ZCCHC17: variants seen among roughly 807,000 people sequenced by gnomAD.
The protein encoded by ZCCHC17 is zinc finger CCHC domain-containing protein 17.
Under a neutral mutation model 30.6 loss-of-function variants are expected in ZCCHC17, and 18 were observed. The observed-to-expected ratio is 0.59, with a 90% CI of 0.41 to 0.87. ZCCHC17 has a LOEUF of 0.87. Ranked by LOEUF, ZCCHC17 falls within the 40% of genes least tolerant of loss-of-function variation. The pLI is 0.00. For synonymous variants in ZCCHC17, 88 were observed against 92.4 expected (o/e 0.95, Z 0.27); for missense variants, 263 against 284.2 (o/e 0.93, Z 0.54).
intron 3 of ZCCHC17, among the ~76,000 whole-genome samples, chr1:31,326,492 A>G (rs1638350546): frequency 6.6e-6 from 1 of 152,176 alleles, no homozygotes; most frequent in Admixed American, 6.5e-5. Context: ...ACCCCACAGG[A>G]CATTCATCTC....
intron 3 of ZCCHC17, among the ~76,000 whole-genome samples, chr1:31,327,047 T>G (rs1638383706): frequency 6.6e-6 from 1 of 152,232 alleles, no homozygotes; most frequent in Non-Finnish European, 1.5e-5. Context: ...CCCTTCCTAC[T>G]ATTCAAACCT....
At chr1:31,334,054 C>A (rs907186202) in intron 3 of ZCCHC17, among the ~76,000 whole-genome samples, 7 of 152,092 alleles carry the variant, frequency 4.6e-5, no homozygotes, top group African/African-American at 1.7e-4. Context: ...AAAAAATAAA[C>A]CCCATTTGCA....
chr1:31,351,442 ATTTT>A (rs775389922), intron 7 of ZCCHC17, among the ~76,000 whole-genome samples: 1 of 142,426 alleles, frequency 7.0e-6, no homozygotes, highest in African/African-American at 2.6e-5. Context: ...AGGTCTGGGC[ATTTT>A]TTTTTTTTTT....
intron 2 of ZCCHC17, among the ~76,000 whole-genome samples, chr1:31,316,305 T>C (rs1360917617): frequency 6.6e-6 from 1 of 152,198 alleles, no homozygotes; most frequent in Non-Finnish European, 1.5e-5. Flanking sequence ...TTTCACCATG[T>C]TGGCCAGGCT....
At chr1:31,343,688 ATTTT>A (rs10718784) in intron 5 of ZCCHC17, among the ~76,000 whole-genome samples, 9 of 131,966 alleles carry the variant, frequency 6.8e-5, no homozygotes, top group Non-Finnish European at 8.0e-5. Flanking sequence ...GTAGTATATA[ATTTT>A]TTTTTTTTTT....
At chr1:31,331,083 G>A (rs1032770736) in intron 3 of ZCCHC17, among the ~76,000 whole-genome samples, 2 of 152,022 alleles carry the variant, frequency 1.3e-5, no homozygotes, top group African/African-American at 2.4e-5. Flanking sequence ...CAGGGAAAAG[G>A]GATTGGAATG....
chr1:31,313,583 TATAATACC>T (rs1646657340), intron 2 of ZCCHC17, among the ~76,000 whole-genome samples: 1 of 152,230 alleles, frequency 6.6e-6, no homozygotes, highest in Non-Finnish European at 1.5e-5. Flanking sequence ...AGATACAAAG[TATAATACC>T]ATTTTAACAC....
chr1:31,344,859 T>G (rs887854921), intron 5 of ZCCHC17, among the ~76,000 whole-genome samples: 2 of 135,838 alleles, frequency 1.5e-5, no homozygotes, highest in Non-Finnish European at 3.3e-5. Flanking sequence ...TGGGTTTTTT[T>G]TTGTTGTTTG....
At chr1:31,322,604 G>C (rs1646885998) in intron 3 of ZCCHC17, among the ~76,000 whole-genome samples, 1 of 152,190 alleles carries the variant, frequency 6.6e-6, no homozygotes, top group Non-Finnish European at 1.5e-5. Context: ...CCATTGCTTA[G>C]GGGTTTATAT....
At chr1:31,304,615 A>T (rs1487250921) in intron 1 of ZCCHC17, among the ~76,000 whole-genome samples, 2 of 137,622 alleles carry the variant, frequency 1.5e-5, no homozygotes. Context: ...TTTTTTTTTT[A>T]GACGGACTCT....
At chr1:31,356,488 A>C (rs1408452770) in intron 7 of ZCCHC17, among the ~76,000 whole-genome samples, 1 of 152,254 alleles carries the variant, frequency 6.6e-6, no homozygotes, top group African/African-American at 2.4e-5. Context: ...GTCACCTTTT[A>C]CAAATAATGC....
intron 5 of ZCCHC17, among the ~76,000 whole-genome samples, chr1:31,345,027 T>G (rs370667139): frequency 6.7e-6 from 1 of 150,290 alleles, no homozygotes; most frequent in East Asian, 1.9e-4. Context: ...CCTGGCTATT[T>G]TTTTTTTTTT....
At position 31,307,083 on chromosome 1, in the gene ZCCHC17, G is replaced by A. The variant is rs553745054; in HGVS notation, c.-55-2961G>A. 1.1e-3 allele frequency among the ~76,000 whole-genome samples: 161 copies of A among 151,966 alleles called. 1 individual carries two copies. Among genetic ancestry groups the A allele is most frequent in the Middle Eastern group, 3.4e-3 (1 of 290 alleles). ...GAACTCTTGACCTTGTGATCCACCC[G>A]CCTTGGCCTCCCAAAGCGCTGGGAT... is the stretch of plus-strand genomic sequence containing the variant. On this transcript the variant is annotated intron_variant, in intron 1 of 7. Transcript: ENST00000344147.
chr1:31,323,275 C>G (rs1646902949), intron 3 of ZCCHC17, among the ~76,000 whole-genome samples: 1 of 152,070 alleles, frequency 6.6e-6, no homozygotes, highest in South Asian at 2.1e-4. Context: ...CAAAATGTCA[C>G]CATTGGAGAA....
intron 3 of ZCCHC17, among the ~76,000 whole-genome samples, chr1:31,320,051 T>C (rs1646825261): frequency 6.6e-6 from 1 of 152,134 alleles, no homozygotes; most frequent in Non-Finnish European, 1.5e-5. Flanking sequence ...GTGCCAAGGA[T>C]ATGAAAAACA....
At chr1:31,318,746 CT>C (rs1257139687) in intron 2 of ZCCHC17, among the ~76,000 whole-genome samples, 1 of 152,118 alleles carries the variant, frequency 6.6e-6, no homozygotes, top group African/African-American at 2.4e-5. Flanking sequence ...ACTTTATTAC[CT>C]GGTTTTTTGC....
At chr1:31,328,122 T>C (rs529749163) in intron 3 of ZCCHC17, among the ~76,000 whole-genome samples, 15 of 152,322 alleles carry the variant, frequency 9.8e-5, no homozygotes, top group African/African-American at 2.9e-4. Context: ...GCTGTCGAAT[T>C]TCTAACTGCA....
chr1:31,361,972 C>T lies in ZCCHC17; in HGVS notation c.565-2060C>T, dbSNP rs184776941. 1.1e-3 allele frequency among the ~76,000 whole-genome samples: 172 copies of T among 152,146 alleles called. 1 individual carries two copies. Among genetic ancestry groups the T allele is most frequent in the African/African-American group, 4.0e-3 (165 of 41,514 alleles). ...GACTACAGGCCCGCGTAACCACACC[C>T]GGCCAATTTTTGTATTTTTAGTAGA... is the stretch of plus-strand genomic sequence containing the variant. On this transcript the variant is annotated intron_variant, in intron 7 of 7. Transcript: ENST00000344147.
chr1:31,361,725 A>G (rs1230191591), intron 7 of ZCCHC17, among the ~76,000 whole-genome samples: 1 of 152,216 alleles, frequency 6.6e-6, no homozygotes, highest in Non-Finnish European at 1.5e-5. Flanking sequence ...AACTTGTCCA[A>G]GCCTTAGATA....
Sources: gnomAD v4.1 joint callset for allele counts (sites outside exome capture counted in the v4.1 genomes callset) on GRCh38, gnomAD v4.1.1 for gene constraint, MANE v1.5 for transcripts, NCBI Gene and HGNC (gene_info 2026-07-23, HGNC 2026-07-21) for gene names.